Variants in DST observed in about 807,000 individuals in gnomAD.
DST encodes dystonin, also known as bullous pemphigoid antigen.
DST carries 253 observed loss-of-function variants against 875.2 expected under a neutral mutation model. The observed-to-expected ratio is 0.29, with a 90% confidence interval of 0.26 to 0.32. DST has a LOEUF of 0.32. Ranked by LOEUF, DST falls within the 10% of genes least tolerant of loss-of-function variation. DST has a pLI of 1.00. For synonymous variants in DST, 3,124 were observed against 3,197.1 expected, an observed-to-expected ratio of 0.98 and a Z score of 0.77; for missense variants, 8,287 against 9,111.6, an observed-to-expected ratio of 0.91 and a Z score of 3.68.
chr6:56,844,592 T>C (rs2099804997), intron 4 of DST, among the ~76,000 whole-genome samples: 1 of 152,132 alleles, frequency 6.6e-6, no homozygotes, highest in Non-Finnish European at 1.5e-5. Flanking sequence ...GAGTAATGAC[T>C]GGCCGGGCGC....
chr6:56,459,098 T>C lies in DST; in HGVS notation c.23364A>G (p.Ala7788=). The change falls in exon 104 of 104, where the codon GCA becomes GCG. Residue 7788 remains alanine (A), a synonymous_variant. Coordinates refer to ENST00000680361, the MANE Select transcript of DST (RefSeq NM_001374736.1). The part of the protein sequence containing the change: ...VPQTHRPTPR[A]GSRPSTAKPS... ...GCTTCGCTGTGGATGGCCGAGAACCTGCTCGGGGTGTAGGTCTGTGTGTCT... is the reference window on the plus strand; with the variant it reads ...GCTTCGCTGTGGATGGCCGAGAACCCGCTCGGGGTGTAGGTCTGTGTGTCT... The C allele has an allele frequency of 6.2e-7, 1 of 1,614,030 alleles. No individual in the cohort carries two copies. Among genetic ancestry groups the C allele is most frequent in the Non-Finnish European group, 8.5e-7 (1 of 1,179,884 alleles).
At position 56,489,476 on chromosome 6, in the gene DST, A is replaced by G; in HGVS notation, c.20877+14T>C. On this transcript the variant is annotated intron_variant, in intron 86 of 103. Coordinates refer to ENST00000680361, the MANE Select transcript of DST (RefSeq NM_001374736.1). ...TATAATGAGACAATATGCTCTTCTT[A>G]ATTATGGACCCACCTTATGTTGTGC... The G allele has an allele frequency of 6.2e-7, 1 of 1,605,842 alleles. No individual in the cohort carries two copies. The highest frequency in any genetic ancestry group is 8.5e-7 in the Non-Finnish European group (1 of 1,176,504).
rs575918157 is a variant in DST at position 56,614,531 on chromosome 6, T to G, written c.4930-47A>C. 2.2e-4 allele frequency: 336 copies of G among 1,514,466 alleles called. 3 individuals carry two copies. The South Asian group carries it at 4.5e-3, about 20-fold the overall frequency. The allele number at this position is 1,514,466 out of a possible 1,614,324, so 93.8% of individuals were successfully genotyped here. A position where few individuals can be genotyped will look rare whatever the true frequency, so the allele number is the denominator to read the frequency against. On this transcript the variant is annotated intron_variant, in intron 36 of 103. Transcript: ENST00000680361. ...AAAAATATACACTGCATTAAATGAC[T>G]TAGCTATTAAACTGACCTCTCCATA...
chr6:56,721,353 G>C (rs2099415773), intron 5 of DST, among the ~76,000 whole-genome samples: 1 of 152,232 alleles, frequency 6.6e-6, no homozygotes, highest in Non-Finnish European at 1.5e-5. Context: ...CTCCTCAGCT[G>C]ACAGGATTAA....
intron 4 of DST, among the ~76,000 whole-genome samples, chr6:56,780,016 A>G (rs2099689369): frequency 6.6e-6 from 1 of 150,728 alleles, no homozygotes; most frequent in Non-Finnish European, 1.5e-5. Flanking sequence ...GAGAATGATG[A>G]TTTCCAATTT....
At chr6:56,511,149 C>T (rs766461355) in intron 73 of DST, 48 bp downstream of exon 73, 6 of 1,455,778 alleles carry the variant, frequency 4.1e-6, no homozygotes, top group Non-Finnish European at 3.8e-6. Flanking sequence ...TCTTTCTGTG[C>T]TCTGTTGTCT....
At chr6:56,638,084 T>C (rs112405404) in intron 22 of DST, among the ~76,000 whole-genome samples, 2,508 of 151,686 alleles carry the variant, frequency 0.017, 61 homozygotes, top group African/African-American at 0.057. Flanking sequence ...TAAGGTTTCA[T>C]TTTACTTCTT....
intron 9 of DST, among the ~76,000 whole-genome samples, chr6:56,694,813 A>G (rs2099254068): frequency 6.6e-6 from 1 of 151,998 alleles, no homozygotes; most frequent in Non-Finnish European, 1.5e-5. Context: ...CACAGTAATG[A>G]GTTCTTACCC....
At chr6:56,495,900 A>T (rs548929249) in intron 82 of DST, among the ~76,000 whole-genome samples, 1 of 152,256 alleles carries the variant, frequency 6.6e-6, no homozygotes, top group East Asian at 1.9e-4. Flanking sequence ...CAACATCTAC[A>T]TGATGGTTAC....
At chr6:56,476,682 C>T (rs576049807) in intron 91 of DST, among the ~76,000 whole-genome samples, 18 of 152,264 alleles carry the variant, frequency 1.2e-4, no homozygotes, top group African/African-American at 3.1e-4. Context: ...ACTGGCAGGG[C>T]GTGGTGGCTC....
chr6:56,476,901 G>C (rs902382020), intron 91 of DST, among the ~76,000 whole-genome samples: 1 of 151,918 alleles, frequency 6.6e-6, no homozygotes, highest in African/African-American at 2.4e-5. Flanking sequence ...GCAGTGAGCC[G>C]AGATCCAGCT....
chr6:56,848,799 C>G (rs1763381239), intron 4 of DST, among the ~76,000 whole-genome samples: 1 of 152,128 alleles, frequency 6.6e-6, no homozygotes, highest in African/African-American at 2.4e-5. Flanking sequence ...CTTTGGGAGG[C>G]TGAGGTGGGT....
At chr6:56,841,689 C>CA (rs1444993639) in intron 4 of DST, among the ~76,000 whole-genome samples, 2 of 152,100 alleles carry the variant, frequency 1.3e-5, no homozygotes, top group Non-Finnish European at 2.9e-5. Context: ...TTATTTCTGA[C>CA]TGTATAGAGC....
At chr6:56,707,395 C>T (rs573841631) in intron 5 of DST, among the ~76,000 whole-genome samples, 18 of 152,280 alleles carry the variant, frequency 1.2e-4, no homozygotes, top group Admixed American at 9.8e-4. Context: ...AATGGGAACA[C>T]TAAAAGATTA....
At position 56,471,218 on chromosome 6, in the gene DST, C is replaced by T. The variant is rs1490494728; in HGVS notation, c.22209G>A (p.Met7403Ile). The change falls in exon 95 of 104, where the codon ATG (methionine) becomes ATA (isoleucine). Residue 7403 changes from methionine (M) to isoleucine (I), a missense_variant. This residue lies in a region of DST where 87 missense variants were observed against 209.7 expected (regional missense o/e 0.41). Coordinates refer to ENST00000680361, the MANE Select transcript of DST (RefSeq NM_001374736.1). ...FDFDIWRKKY[M>I]RWMNHKKSRV... is the part of the protein sequence containing the mutation. ...GAGATTTCTTGTGATTCATCCATCG[C>T]ATGTATTTTTTGCGCCAGATATCAA... 1.9e-6 allele frequency: 3 copies of T among 1,600,444 alleles called. No individual in the cohort carries two copies. The highest frequency in any genetic ancestry group is 2.6e-6 in the Non-Finnish European group (3 of 1,172,832).
chr6:56,916,297 G>C (rs1304835734), intron 2 of DST, among the ~76,000 whole-genome samples: 1 of 152,158 alleles, frequency 6.6e-6, no homozygotes, highest in African/African-American at 2.4e-5. Flanking sequence ...GTGTCCTGTT[G>C]TTGCACACAC....
intron 4 of DST, among the ~76,000 whole-genome samples, chr6:56,744,539 T>A (rs1299519715): frequency 6.6e-6 from 1 of 152,170 alleles, no homozygotes; most frequent in Non-Finnish European, 1.5e-5. Flanking sequence ...TTGTTGGTAT[T>A]ATAGACGAAA....
At position 56,618,099 on chromosome 6, in the gene DST, G is replaced by A. The variant is rs1441717964; in HGVS notation, c.4930-3615C>T. ...TCTCTTATCTTCTCAATTTCAGACA[G>A]TCTTGTAATGGGGTTTGTCTCATCA... On this transcript the variant is annotated intron_variant, in intron 36 of 103. Coordinates refer to ENST00000680361, the MANE Select transcript of DST (RefSeq NM_001374736.1). 3.1e-6 allele frequency: 5 copies of A among 1,614,044 alleles called. No homozygotes were observed. The African/African-American group carries it at 4.0e-5, about 13-fold the overall frequency.
chr6:56,473,985 C>A lies in DST; in HGVS notation c.21882G>T (p.Met7294Ile). Residue 7294 changes from methionine to isoleucine, a missense_variant, in exon 93 of 104, where the codon ATG becomes ATT. By Grantham distance (10) the Met-to-Ile change is conservative. Around this residue, in one of 10 missense-constraint regions of DST, gnomAD observed 1,292 missense variants for 1,552.7 expected, o/e 0.83. Coordinates refer to ENST00000680361, the MANE Select transcript of DST (RefSeq NM_001374736.1). ...TATCAACATCAGGCTGTTTTCTGGT[C>A]ATTTCCTCCATGAAGGTCTGAAATG... ...IAEHQTFMEE[M>I]TRKQPDVDKV... is the part of the protein sequence containing the mutation. 1 of 1,577,888 alleles carries A rather than the reference C, an allele frequency of 6.3e-7. No homozygotes were observed. The highest frequency in any genetic ancestry group is 1.2e-5 in the South Asian group (1 of 86,254).
Sources: allele counts gnomAD v4.1 joint callset (sites outside exome capture counted in the v4.1 genomes callset), GRCh38; gene constraint gnomAD v4.1.1; regional missense constraint gnomAD v4.1.1; transcripts MANE v1.5; gene names NCBI Gene and HGNC (gene_info 2026-07-23, HGNC 2026-07-21).